The following SUGCT variants were observed in gnomAD, a reference collection of about 807,000 sequenced individuals.
SUGCT encodes the protein succinyl-CoA:glutarate-CoA transferase.
A neutral mutation model predicts 55.0 loss-of-function variants in SUGCT; 41 were observed. That is an observed-to-expected ratio of 0.74 (90% confidence interval 0.58 to 0.97). The LOEUF is 0.97. SUGCT is among the 50% of genes least tolerant of loss of function. The probability of loss-of-function intolerance (pLI) is 0.00; values close to 1 mark genes in which losing one functional copy is unlikely to be tolerated. For missense variants in SUGCT, 568 were observed against 547.8 expected (o/e 1.04, Z -0.37); for synonymous variants, 187 against 200.4 (o/e 0.93, Z 0.56).
chr7:40,736,103 T>C (rs573770505), intron 12 of SUGCT, among the ~76,000 whole-genome samples: 3 of 150,928 alleles, frequency 2.0e-5, no homozygotes, highest in East Asian at 1.9e-4. Flanking sequence ...CACACACACA[T>C]AGGAAATACA....
intron 9 of SUGCT, among the ~76,000 whole-genome samples, chr7:40,326,920 A>G (rs73135066): frequency 0.11 from 16,004 of 152,282 alleles, 1,090 homozygotes; most frequent in Non-Finnish European, 0.16. Context: ...AGGAAATAGA[A>G]TATTTTAAAC....
chr7:40,371,580 C>T (rs1784297309), intron 9 of SUGCT, among the ~76,000 whole-genome samples: 1 of 152,020 alleles, frequency 6.6e-6, no homozygotes, highest in South Asian at 2.1e-4. Flanking sequence ...GCTAACTGAG[C>T]AAGATTTGGG....
chr7:40,476,863 T>C (rs1790718312), intron 11 of SUGCT, among the ~76,000 whole-genome samples: 2 of 151,898 alleles, frequency 1.3e-5, no homozygotes, highest in South Asian at 4.1e-4. Flanking sequence ...AATGGCACAA[T>C]CTTGCCTACT....
At chr7:40,786,351 G>A (rs1347063408) in intron 13 of SUGCT, among the ~76,000 whole-genome samples, 2 of 152,140 alleles carry the variant, frequency 1.3e-5, no homozygotes, top group African/African-American at 2.4e-5. Context: ...TGTGTTATAG[G>A]ATGTTCTTAG....
chr7:40,962,076 G>C, the SUGCT span, among the ~76,000 whole-genome samples: 2 of 152,096 alleles, frequency 1.3e-5, no homozygotes, highest in Admixed American at 6.5e-5. Flanking sequence ...CCTGCTGATT[G>C]GTCCATTTTA....
chr7:40,633,040 A>G (rs1799860928), intron 12 of SUGCT, among the ~76,000 whole-genome samples: 1 of 152,230 alleles, frequency 6.6e-6, no homozygotes, highest in Admixed American at 6.5e-5. Context: ...GCAAGGCACT[A>G]TCCCTAGGAG....
chr7:40,736,346 A>G (rs1256973942), intron 12 of SUGCT, among the ~76,000 whole-genome samples: 1 of 148,822 alleles, frequency 6.7e-6, no homozygotes, highest in Non-Finnish European at 1.5e-5. Flanking sequence ...ATGTGTATAT[A>G]TAAATGTATA....
At chr7:40,636,763 A>G (rs939536531) in intron 12 of SUGCT, among the ~76,000 whole-genome samples, 1 of 152,176 alleles carries the variant, frequency 6.6e-6, no homozygotes, top group Non-Finnish European at 1.5e-5. Context: ...AAAAGGATAC[A>G]TTTTATGTTA....
intron 13 of SUGCT, among the ~76,000 whole-genome samples, chr7:40,814,438 A>G (rs1791572736): frequency 6.6e-6 from 1 of 151,944 alleles, no homozygotes; most frequent in African/African-American, 2.4e-5. Context: ...GGTTAGTTTG[A>G]AAGACCAGTC....
chr7:40,773,471 T>C (rs893004777), intron 13 of SUGCT, among the ~76,000 whole-genome samples: 2 of 152,162 alleles, frequency 1.3e-5, no homozygotes, highest in Non-Finnish European at 2.9e-5. Flanking sequence ...TTGCCTCTAT[T>C]AGTCTGTCTT....
At chr7:41,017,457 A>G in the SUGCT span, among the ~76,000 whole-genome samples, 1 of 152,176 alleles carries the variant, frequency 6.6e-6, no homozygotes, top group Non-Finnish European at 1.5e-5. Context: ...AAGACTGGAG[A>G]TTAGGAAAGG....
chr7:40,720,328 T>C (rs1186751443), intron 12 of SUGCT, among the ~76,000 whole-genome samples: 2 of 152,200 alleles, frequency 1.3e-5, no homozygotes, highest in Admixed American at 1.3e-4. Context: ...CACAAAGATA[T>C]GGCATAAAAA....
chr7:40,496,601 C>T (rs896124338), intron 12 of SUGCT, among the ~76,000 whole-genome samples: 1 of 152,140 alleles, frequency 6.6e-6, no homozygotes, highest in African/African-American at 2.4e-5. Context: ...TACTGTATTT[C>T]TTCATCAGCC....
chr7:40,954,464 C>G, the SUGCT span, among the ~76,000 whole-genome samples: 1 of 152,154 alleles, frequency 6.6e-6, no homozygotes, highest in African/African-American at 2.4e-5. Context: ...CTGTCCTGCA[C>G]CCAGTGTCTG....
the SUGCT span, among the ~76,000 whole-genome samples, chr7:41,031,417 A>G: frequency 0.013 from 2,032 of 152,190 alleles, 48 homozygotes; most frequent in African/African-American, 0.046. Flanking sequence ...TGCTTTGCCA[A>G]GTAAGAACAA....
chr7:40,468,982 G>T (rs535433994), intron 11 of SUGCT, among the ~76,000 whole-genome samples: 2 of 152,124 alleles, frequency 1.3e-5, no homozygotes, highest in Non-Finnish European at 2.9e-5. Flanking sequence ...TTTGCCAAGG[G>T]CTGAGAGGTT....
At chr7:40,249,863 C>T (rs551191971) in intron 7 of SUGCT, among the ~76,000 whole-genome samples, 19 of 152,120 alleles carry the variant, frequency 1.2e-4, no homozygotes, top group South Asian at 8.3e-4. Context: ...CTCGGCTCAC[C>T]GCAACCTCTG....
chr7:40,916,354 G>T, the SUGCT span, among the ~76,000 whole-genome samples: 4 of 152,164 alleles, frequency 2.6e-5, no homozygotes, highest in Non-Finnish European at 5.9e-5. Flanking sequence ...TGAAGGATGG[G>T]TATGAATGGA....
intron 13 of SUGCT, among the ~76,000 whole-genome samples, chr7:40,827,836 A>G (rs940126506): frequency 4.6e-5 from 7 of 151,868 alleles, no homozygotes; most frequent in Non-Finnish European, 1.0e-4. Context: ...CCCCCACACC[A>G]TGGAAACCAT....
Sources: gnomAD v4.1 joint callset for allele counts (sites outside exome capture counted in the v4.1 genomes callset) on GRCh38, gnomAD v4.1.1 for gene constraint, MANE v1.5 for transcripts, NCBI Gene and HGNC (gene_info 2026-07-23, HGNC 2026-07-21) for gene names.